Variants in MICAL2 observed in about 807,000 individuals in gnomAD.
MICAL2 encodes microtubule associated monooxygenase, calponin and LIM domain containing 2.
MICAL2 carries 77 observed loss-of-function variants against 127.3 expected under a neutral mutation model. That is an observed-to-expected ratio of 0.60 (90% CI 0.50 to 0.73). The LOEUF is 0.73. Ranked by LOEUF, MICAL2 falls within the 30% of genes least tolerant of loss-of-function variation. MICAL2 has a pLI of 0.00. For missense variants in MICAL2, 1,351 were observed against 1,434.4 expected (o/e 0.94, Z 0.94); for synonymous variants, 570 against 551.1 (o/e 1.03, Z -0.48).
chr11:12,158,550 T>C (rs967613942), intron 2 of MICAL2, among the ~76,000 whole-genome samples: 3 of 152,204 alleles, frequency 2.0e-5, no homozygotes, highest in Non-Finnish European at 2.9e-5. Flanking sequence ...TGTACAGGCT[T>C]TTTTACTGTC....
chr11:12,220,422 G>A lies in MICAL2; in HGVS notation c.1170G>A (p.Gln390=). 1.2e-6 allele frequency: 2 copies of A among 1,611,988 alleles called. No homozygotes were observed. Among genetic ancestry groups the A allele is most frequent in the Non-Finnish European group, 1.7e-6 (2 of 1,180,032 alleles). The change falls in exon 9 of 28, where the codon CAG becomes CAA. Residue 390 remains glutamine (Q), a synonymous_variant. Transcript: ENST00000683283. The part of the protein sequence containing the change: ...AALVRERQAH[Q]LLVALVGDSL... Reference sequence around the variant, plus strand: ...TGGTGCGGGAGCGGCAGGCGCACCAGCTGCTCGTGGCCCTTGTGGGTGACA... The same window carrying A: ...TGGTGCGGGAGCGGCAGGCGCACCAACTGCTCGTGGCCCTTGTGGGTGACA...
At chr11:12,262,699 G>A in intron 27 of MICAL2, 162 bp downstream of exon 27, 7 of 658,296 alleles carry the variant, frequency 1.1e-5, no homozygotes, top group South Asian at 8.9e-5. Context: ...ATGGCGGGGG[G>A]TGTTCAGCTT....
At chr11:12,303,336 A>G (rs1416888087) in intron 29 of MICAL2, among the ~76,000 whole-genome samples, 1 of 152,254 alleles carries the variant, frequency 6.6e-6, no homozygotes. Flanking sequence ...GTCCAAATAC[A>G]GTAGCCACTG....
chr11:12,130,903 T>A (rs1211438015), intron 1 of MICAL2, among the ~76,000 whole-genome samples: 2 of 152,242 alleles, frequency 1.3e-5, no homozygotes. Flanking sequence ...GAGAGGTTTC[T>A]GGGCTTTGGC....
intron 24 of MICAL2, among the ~76,000 whole-genome samples, chr11:12,257,604 A>G (rs764252909): frequency 6.6e-6 from 1 of 152,122 alleles, no homozygotes; most frequent in Non-Finnish European, 1.5e-5. Flanking sequence ...ACCACCTCCT[A>G]AGCATGGAAC....
intron 32 of MICAL2, among the ~76,000 whole-genome samples, chr11:12,345,131 A>AAAAAAAAAAAAAAAAAAAAG (rs1427548449): frequency 6.6e-6 from 1 of 151,020 alleles, no homozygotes; most frequent in African/African-American, 2.5e-5. Context: ...AAAAAAAGAA[A>AAAAAAAAAAAAAAAAAAAAG]AAAGAAAGAA....
chr11:12,231,931 A>G (rs1858337301), intron 15 of MICAL2, among the ~76,000 whole-genome samples: 1 of 152,232 alleles, frequency 6.6e-6, no homozygotes, highest in Non-Finnish European at 1.5e-5. Context: ...TGCAGTTAGA[A>G]GTCAAGCAGA....
At chr11:12,258,052 T>A (rs1862566314) in intron 24 of MICAL2, among the ~76,000 whole-genome samples, 1 of 152,148 alleles carries the variant, frequency 6.6e-6, no homozygotes, top group South Asian at 2.1e-4. Flanking sequence ...TCAGTTTGAT[T>A]TGGGGATTTT....
intron 23 of MICAL2, 35 bp downstream of exon 23, chr11:12,255,785 C>T (rs376410985): frequency 3.1e-4 from 482 of 1,563,122 alleles, no homozygotes; most frequent in Admixed American, 7.7e-4. Flanking sequence ...CACCCACAGA[C>T]ACTGGCTCTG....
At chr11:12,199,190 T>G (rs562960003) in intron 3 of MICAL2, among the ~76,000 whole-genome samples, 1 of 152,350 alleles carries the variant, frequency 6.6e-6, no homozygotes, top group African/African-American at 2.4e-5. Context: ...GCTTAACTTT[T>G]CAGTGCCTTA....
chr11:12,172,099 T>A (rs1856339154), intron 3 of MICAL2, among the ~76,000 whole-genome samples: 1 of 152,144 alleles, frequency 6.6e-6, no homozygotes, highest in Non-Finnish European at 1.5e-5. Context: ...CACCTTGTAG[T>A]CACAAGGTGG....
exon 35 of MICAL2, chr11:12,358,465 C>A: frequency 6.2e-7 from 1 of 1,614,110 alleles, no homozygotes; most frequent in Non-Finnish European, 8.5e-7. Context: ...AGGCTGTCAG[C>A]TGAGCAGGAC....
At chr11:12,226,975 A>G (rs1405570832) in intron 14 of MICAL2, 50 bp from the exon 15 acceptor site, 2 of 1,451,718 alleles carry the variant, frequency 1.4e-6, no homozygotes, top group Non-Finnish European at 9.7e-7. Flanking sequence ...TTATAGCCAT[A>G]CTTCCCAGAG....
Position 12,171,727 on chromosome 11 carries a change from A to G in MICAL2, c.264+9308A>G, listed in dbSNP as rs572481850. Among the ~76,000 whole-genome samples the G allele has an allele frequency of 6.6e-5, 10 of 152,340 alleles. No individual in the cohort carries two copies. The South Asian group carries it at 2.1e-3, about 32-fold the overall frequency. ...TGTTTTTAAGGAGAAGTGAGGAGAG[A>G]GGCAGTGGCTGGAGGTTCAGTAGCT... On this transcript the variant is annotated intron_variant, in intron 3 of 27. Transcript: ENST00000683283.
chr11:12,120,725 G>T (rs955854394), intron 1 of MICAL2, among the ~76,000 whole-genome samples: 3 of 152,236 alleles, frequency 2.0e-5, no homozygotes, highest in Admixed American at 6.5e-5. Flanking sequence ...GAAACGTGAG[G>T]GCTGCCTAGA....
At chr11:12,279,207 A>C in intron 1 of MICAL2, among the ~76,000 whole-genome samples, 1 of 152,320 alleles carries the variant, frequency 6.6e-6, no homozygotes, top group South Asian at 2.1e-4. Context: ...GGTTCTCTGC[A>C]TCAGAGGCTG....
In MICAL2 at chr11:12,162,219, G is replaced by T. The variant is rs760551241; in HGVS notation, c.64G>T (p.Ala22Ser). The stretch of plus-strand genomic sequence containing the variant: ...GCAGGTTTTTGAGAACTTTGTCCAG[G>T]CATCCACGTGCAAAGGTACCCTCCA... ...AGQVFENFVQ[A>S]STCKGTLQAF... is the part of the protein sequence containing the mutation. Residue 22 changes from alanine to serine, a missense_variant, in exon 3 of 28, where the codon GCA (alanine) becomes TCA (serine). By Grantham distance (99) the Ala-to-Ser change is moderately conservative. Coordinates refer to ENST00000683283, the MANE Select transcript of MICAL2 (RefSeq NM_001282663.2). 4 of 1,614,190 alleles carry T rather than the reference G, an allele frequency of 2.5e-6. No individual in the cohort carries two copies. In the South Asian group the frequency reaches 4.4e-5, roughly 18 times the overall value.
chr11:12,202,079 G>A (rs1481381766), intron 3 of MICAL2, among the ~76,000 whole-genome samples: 3 of 151,804 alleles, frequency 2.0e-5, no homozygotes, highest in Non-Finnish European at 4.4e-5. Context: ...CCAAAATCAC[G>A]CCATTGCACT....
At chr11:12,299,719 A>G (rs957020749) in intron 29 of MICAL2, among the ~76,000 whole-genome samples, 6 of 152,218 alleles carry the variant, frequency 3.9e-5, no homozygotes, top group Non-Finnish European at 5.9e-5. Context: ...TGTTAAGCCT[A>G]CAGCTGATGA....
Sources: allele counts gnomAD v4.1 joint callset (sites outside exome capture counted in the v4.1 genomes callset), GRCh38; gene constraint gnomAD v4.1.1; transcripts MANE v1.5; gene names NCBI Gene and HGNC (gene_info 2026-07-23, HGNC 2026-07-21).